Variants in JMJD1C observed in about 807,000 individuals in gnomAD.
JMJD1C encodes the protein jumonji domain-containing protein 1C.
In JMJD1C, 31 loss-of-function variants were observed where a neutral mutation model predicts 245.3. The ratio of observed to expected loss-of-function variants is 0.13; its 90% CI spans 0.09 to 0.17. The LOEUF is 0.17. Among genes scored for constraint, JMJD1C ranks in the 10% least tolerant of loss-of-function variants. The pLI, the probability that JMJD1C is intolerant of heterozygous loss-of-function variation, is 1.00. For missense variants in JMJD1C, 2,691 were observed against 3,000.2 expected (o/e 0.90, Z 2.41); for synonymous variants, 1,057 against 1,017.4 (o/e 1.04, Z -0.74).
At chr10:63,303,677 A>C (rs946424181) in intron 2 of JMJD1C, among the ~76,000 whole-genome samples, 1 of 152,170 alleles carries the variant, frequency 6.6e-6, no homozygotes, top group Non-Finnish European at 1.5e-5. Flanking sequence ...GATTCATATC[A>C]TGTTATTTCT....
intron 1 of JMJD1C, among the ~76,000 whole-genome samples, chr10:63,481,531 G>C (rs1179285222): frequency 6.6e-6 from 1 of 151,624 alleles, no homozygotes; most frequent in Non-Finnish European, 1.5e-5. Context: ...ACTTCACTTA[G>C]AAGCTTTATT....
chr10:63,168,916 T>C (rs1335760931), intron 24 of JMJD1C, among the ~76,000 whole-genome samples: 2 of 152,352 alleles, frequency 1.3e-5, no homozygotes, highest in South Asian at 2.1e-4. Context: ...AAAGAATTTA[T>C]GAGGCAATCT....
chr10:63,390,571 G>GCTA (rs1012155434), intron 1 of JMJD1C, among the ~76,000 whole-genome samples: 9 of 87,582 alleles, frequency 1.0e-4, no homozygotes, highest in Admixed American at 6.0e-4. Context: ...AGACAAGAAT[G>GCTA]CTACAACAAC....
chr10:63,444,623 CTTTT>C (rs200830089), intron 1 of JMJD1C, among the ~76,000 whole-genome samples: 1 of 134,472 alleles, frequency 7.4e-6, no homozygotes. Flanking sequence ...TACCTACTAT[CTTTT>C]TTTTTTTTTT....
At chr10:63,440,250 G>A (rs562588974) in intron 1 of JMJD1C, among the ~76,000 whole-genome samples, 4 of 151,660 alleles carry the variant, frequency 2.6e-5, no homozygotes, top group South Asian at 2.1e-4. Context: ...CAGGAGAATC[G>A]CTTGAACCTG....
intron 3 of JMJD1C, among the ~76,000 whole-genome samples, chr10:63,242,918 T>G (rs1213454039): frequency 6.6e-6 from 1 of 151,786 alleles, no homozygotes; most frequent in East Asian, 1.9e-4. Flanking sequence ...TCATACCTAT[T>G]TTATAGATAA....
At chr10:63,466,063 G>C (rs1953252799), upstream of JMJD1C, 2 of 215,426 alleles carry the variant, frequency 9.3e-6, no homozygotes, top group African/African-American at 4.7e-5. Context: ...GGGAGGGTCG[G>C]CGGAACCACC....
chr10:63,220,612 T>C (rs1848487528), intron 3 of JMJD1C, among the ~76,000 whole-genome samples: 1 of 152,198 alleles, frequency 6.6e-6, no homozygotes, highest in Non-Finnish European at 1.5e-5. Flanking sequence ...AAACAACCAA[T>C]TCTCTCTCAT....
chr10:63,424,512 T>TC (rs1323527572), intron 1 of JMJD1C, among the ~76,000 whole-genome samples: 2 of 144,740 alleles, frequency 1.4e-5, no homozygotes, highest in Admixed American at 6.9e-5. Flanking sequence ...TTTTTTTTTT[T>TC]TTTTTTCTTT....
chr10:63,437,602 A>G (rs993514122), intron 1 of JMJD1C, among the ~76,000 whole-genome samples: 1 of 152,186 alleles, frequency 6.6e-6, no homozygotes, highest in Admixed American at 6.5e-5. Flanking sequence ...CTTCCATTTT[A>G]CAAAATCTTA....
At chr10:63,475,399 ATAGT>A (rs1015137768) in intron 1 of JMJD1C, among the ~76,000 whole-genome samples, 23 of 152,328 alleles carry the variant, frequency 1.5e-4, no homozygotes, top group Non-Finnish European at 2.1e-4. Context: ...TTCCATGAAA[ATAGT>A]TAGCGCTACC....
At chr10:63,374,755 T>A (rs1384883700) in intron 2 of JMJD1C, among the ~76,000 whole-genome samples, 1 of 152,202 alleles carries the variant, frequency 6.6e-6, no homozygotes, top group Admixed American at 6.5e-5. Context: ...AAAATGATCC[T>A]AAATTACTAC....
At chr10:63,380,505 T>C (rs1947126371) in intron 1 of JMJD1C, 23 bp from the exon 2 acceptor site, 2 of 1,585,466 alleles carry the variant, frequency 1.3e-6, no homozygotes, top group African/African-American at 1.4e-5. Context: ...AAACACAAAA[T>C]TCAATTAGCA....
At chr10:63,223,881 G>A (rs1261353579) in intron 3 of JMJD1C, among the ~76,000 whole-genome samples, 3 of 151,956 alleles carry the variant, frequency 2.0e-5, no homozygotes, top group Non-Finnish European at 4.4e-5. Context: ...AGCCTCCTGA[G>A]TACCTGGGAT....
intron 1 of JMJD1C, among the ~76,000 whole-genome samples, chr10:63,450,154 T>C (rs1209244407): frequency 6.6e-6 from 1 of 151,510 alleles, no homozygotes; most frequent in African/African-American, 2.4e-5. Context: ...AAAGCAAAAT[T>C]AGACCAGGGT....
chr10:63,498,128 T>C (rs1039833073), intron 1 of JMJD1C, among the ~76,000 whole-genome samples: 3 of 152,140 alleles, frequency 2.0e-5, no homozygotes, highest in African/African-American at 7.2e-5. Context: ...ACTGACAGTT[T>C]TTCCTCAATA....
At chr10:63,412,466 G>A (rs894938628) in intron 1 of JMJD1C, among the ~76,000 whole-genome samples, 1 of 152,194 alleles carries the variant, frequency 6.6e-6, no homozygotes, top group South Asian at 2.1e-4. Context: ...ATTTAGTGGA[G>A]AGGTCAACTA....
rs774255510 is a variant in JMJD1C at position 63,213,745 on chromosome 10, A to G, written c.2422T>C (p.Leu808=). Residue 808 remains leucine (L), a synonymous_variant, in exon 8 of 26, where the codon TTA becomes CTA. Coordinates refer to ENST00000399262, the MANE Select transcript of JMJD1C (RefSeq NM_032776.3). ...TVLPGVPTAS[L]LGGHPRLESA... ...TCTAGTCGTGGGTGGCCACCAAGTA[A>G]GGAGGCAGTAGGCACTCCAGGTAAC... 1.9e-6 allele frequency: 3 copies of G among 1,614,060 alleles called. No individual in the cohort carries two copies. Among genetic ancestry groups the G allele is most frequent in the East Asian group, 4.5e-5 (2 of 44,886 alleles).
intron 1 of JMJD1C, among the ~76,000 whole-genome samples, chr10:63,471,726 G>A (rs1253603313): frequency 6.6e-6 from 1 of 152,026 alleles, no homozygotes; most frequent in East Asian, 1.9e-4. Flanking sequence ...TTCCAAGTTT[G>A]GTCATAAAAC....
Sources: allele counts gnomAD v4.1 joint callset (sites outside exome capture counted in the v4.1 genomes callset), GRCh38; gene constraint gnomAD v4.1.1; transcripts MANE v1.5; gene names NCBI Gene and HGNC (gene_info 2026-07-23, HGNC 2026-07-21).